The following RAB40B variants were observed in gnomAD, a reference collection of about 807,000 sequenced individuals.
RAB40B encodes the protein ras-related protein Rab-40B.
In RAB40B, 21 loss-of-function variants were observed where a neutral mutation model predicts 24.0. That is an observed-to-expected ratio of 0.88 (90% CI 0.62 to 1.26). RAB40B has a LOEUF of 1.26. RAB40B is among the 50% of genes most tolerant of loss of function. The pLI is 0.00. For synonymous variants in RAB40B, 167 were observed against 169.8 expected (o/e 0.98, Z 0.13); for missense variants, 348 against 390.5 (o/e 0.89, Z 0.92).
chr17:82,664,386 G>A (rs1286305093), intron 2 of RAB40B, 110 bp downstream of exon 2: 6 of 1,070,646 alleles, frequency 5.6e-6, no homozygotes, highest in Non-Finnish European at 6.9e-6. Flanking sequence ...TGTGCCGATG[G>A]TGGTGGGGGA....
chr17:82,671,426 A>G (rs12938630), intron 1 of RAB40B, among the ~76,000 whole-genome samples: 9,134 of 85,456 alleles, frequency 0.11, 1,125 homozygotes, highest in South Asian at 0.19. Flanking sequence ...ACTCTAACAC[A>G]CACACGCTCC....
chr17:82,692,445 C>T lies in RAB40B; in HGVS notation c.142+6010G>A, dbSNP rs1011852828. ...CTGAGCAAGGACAAGATGCATCTGACTGCCCTGGCCAGCACAGGGCATGCC... is the reference window on the plus strand; with the variant it reads ...CTGAGCAAGGACAAGATGCATCTGATTGCCCTGGCCAGCACAGGGCATGCC... On this transcript the variant is annotated intron_variant, in intron 1 of 5. Coordinates refer to ENST00000571995, the MANE Select transcript of RAB40B (RefSeq NM_006822.3). The surrounding 1 kb of genome is among the most constrained non-coding windows in gnomAD (Gnocchi z 4.0). Among the ~76,000 whole-genome samples, 1 of 152,234 alleles carries T rather than the reference C, an allele frequency of 6.6e-6. No homozygotes were observed. Among genetic ancestry groups the T allele is most frequent in the African/African-American group, 2.4e-5 (1 of 41,458 alleles).
chr17:82,679,793 C>T (rs1426990996), intron 1 of RAB40B, among the ~76,000 whole-genome samples: 1 of 152,282 alleles, frequency 6.6e-6, no homozygotes, highest in Non-Finnish European at 1.5e-5. Flanking sequence ...CCAGCTTCCA[C>T]TGAGCTGTCA....
In RAB40B at chr17:82,675,393, AAG is replaced by A. The variant is rs200956653; in HGVS notation, c.143-10839_143-10838del. 3.3e-5 allele frequency among the ~76,000 whole-genome samples: 5 copies of A among 152,178 alleles called. No individual in the cohort carries two copies. The highest frequency in any genetic ancestry group is 4.4e-5 in the Non-Finnish European group (3 of 68,030). On this transcript the variant is annotated intron_variant, in intron 1 of 5. Transcript: ENST00000571995. This position sits in a 1 kb window ranked among gnomAD's most constrained non-coding sequence, Gnocchi z 4.5. ...CCGCCTGTCTGACGTGGTCTCCACC[AAG>A]CGCTGGCTTCCTTCACAGCAGCACT...
At chr17:82,676,987 C>T (rs946290070) in intron 1 of RAB40B, among the ~76,000 whole-genome samples, 3 of 151,260 alleles carry the variant, frequency 2.0e-5, no homozygotes, top group Admixed American at 6.6e-5. Context: ...CTCACTCTGT[C>T]GTCCAGGCTG....
chr17:82,672,297 ACGCTCCC>A (rs2046348964), intron 1 of RAB40B, among the ~76,000 whole-genome samples: 2 of 73,792 alleles, frequency 2.7e-5, no homozygotes, highest in African/African-American at 4.3e-5. Flanking sequence ...ACAAACTCAC[ACGCTCCC>A]TGTACTGACA....
Position 82,659,617 on chromosome 17 carries a change from A to G in RAB40B, c.305T>C (p.Phe102Ser), listed in dbSNP as rs1222109734. Residue 102 changes from phenylalanine (F) to serine (S), a missense_variant, in exon 4 of 6, where the codon TTT becomes TCT. Physicochemically the swap from Phe to Ser is radical, Grantham distance 155 (BLOSUM62 -2). Around this residue, in one of 3 missense-constraint regions of RAB40B, gnomAD observed 126 missense variants for 181.0 expected, o/e 0.70. Coordinates refer to ENST00000571995, the MANE Select transcript of RAB40B (RefSeq NM_006822.3). Reference sequence around the variant, plus strand: ...CTTAATCCATCGATCAATGCCGTCAAAAGACCAGCGGTTCGCAATGTCATA... The same window carrying G: ...CTTAATCCATCGATCAATGCCGTCAGAAGACCAGCGGTTCGCAATGTCATA... ...LVYDIANRWS[F>S]DGIDRWIKEI... 1.9e-6 allele frequency: 3 copies of G among 1,614,224 alleles called. No homozygotes were observed. The highest frequency in any genetic ancestry group is 2.2e-5 in the East Asian group (1 of 44,888).
intron 1 of RAB40B, among the ~76,000 whole-genome samples, chr17:82,693,712 T>A (rs1421317057): frequency 2.0e-5 from 3 of 152,052 alleles, no homozygotes; most frequent in Admixed American, 2.0e-4. Flanking sequence ...GTCACCACCA[T>A]GAGAATTAAC....
In RAB40B at chr17:82,686,270, C is replaced by T. The variant is rs142509073; in HGVS notation, c.142+12185G>A. ...GAGATAACAGGCACCTGCCACCACG[C>T]CCAGCTAATTTTTGTATTTTTAGTA... On this transcript the variant is annotated intron_variant, in intron 1 of 5. Coordinates refer to ENST00000571995, the MANE Select transcript of RAB40B (RefSeq NM_006822.3). Among the ~76,000 whole-genome samples, 1,351 of 152,044 alleles carry T rather than the reference C, an allele frequency of 8.9e-3. 19 individuals are homozygous for T. The highest frequency in any genetic ancestry group is 0.031 in the African/African-American group (1,302 of 41,454).
rs1332016784 is a variant in RAB40B at position 82,692,271 on chromosome 17, A to T, written c.142+6184T>A. ...TGACAGGCAGAGCAGTGGGGTCCACATAGTCTGTGGAGTCAAGTTGCCGAC... is the reference window on the plus strand; with the variant it reads ...TGACAGGCAGAGCAGTGGGGTCCACTTAGTCTGTGGAGTCAAGTTGCCGAC... On this transcript the variant is annotated intron_variant, in intron 1 of 5. Transcript: ENST00000571995. This position sits in a 1 kb window ranked among gnomAD's most constrained non-coding sequence, Gnocchi z 4.0. Among the ~76,000 whole-genome samples the T allele has an allele frequency of 6.6e-6, 1 of 152,150 alleles. No individual in the cohort carries two copies. Among genetic ancestry groups the T allele is most frequent in the East Asian group, 1.9e-4 (1 of 5,184 alleles).
rs937677364 is a variant in RAB40B at position 82,656,267 on chromosome 17, A to T, written c.*1596T>A. 1 of 151,978 alleles carries T rather than the reference A, an allele frequency of 6.6e-6. No homozygotes were observed. The highest frequency in any genetic ancestry group is 2.4e-5 in the African/African-American group (1 of 41,374). The allele number at this position is 151,978 out of a possible 1,614,324, so 9.4% of individuals were successfully genotyped here. Reference sequence around the variant, plus strand: ...AGCTGGGTCCCTTAAGTTTCTAAGAATCTACAGATCATCAGCAGGAACTAG... The same window carrying T: ...AGCTGGGTCCCTTAAGTTTCTAAGATTCTACAGATCATCAGCAGGAACTAG... On this transcript the variant is annotated 3_prime_UTR_variant, in exon 6 of 6. Coordinates refer to ENST00000571995, the MANE Select transcript of RAB40B (RefSeq NM_006822.3).
At chr17:82,676,428 A>T (rs1035905666) in intron 1 of RAB40B, among the ~76,000 whole-genome samples, 1 of 143,272 alleles carries the variant, frequency 7.0e-6, no homozygotes, top group Non-Finnish European at 1.5e-5. Flanking sequence ...CCTCACCTTC[A>T]ACAGCCTCTC....
chr17:82,658,273 G>A, intron 5 of RAB40B, 139 bp from the exon 6 acceptor site: 1 of 1,238,816 alleles, frequency 8.1e-7, no homozygotes, highest in Non-Finnish European at 1.1e-6. Context: ...AGCAAGCCCT[G>A]CCGCGACGTC....
Position 82,668,376 on chromosome 17 carries a change from A to C in RAB40B, c.143-3820T>G, listed in dbSNP as rs796702897. 16 of 154,310 alleles carry C rather than the reference A, an allele frequency of 1.0e-4. 1 individual carries two copies. Among genetic ancestry groups the C allele is most frequent in the African/African-American group, 3.8e-4 (16 of 41,600 alleles). 9.6% of individuals were successfully genotyped at this position (154,310 alleles called of 1,614,324 possible). On this transcript the variant is annotated intron_variant, in intron 1 of 5. Coordinates refer to ENST00000571995, the MANE Select transcript of RAB40B (RefSeq NM_006822.3). ...GGGCCCCAGGCCCCCTTGAAGCTTCAAGGTGTGGCTTCACCAGGGACCTGC... is the reference window on the plus strand; with the variant it reads ...GGGCCCCAGGCCCCCTTGAAGCTTCCAGGTGTGGCTTCACCAGGGACCTGC...
intron 1 of RAB40B, among the ~76,000 whole-genome samples, chr17:82,689,851 C>T (rs952712305): frequency 4.6e-5 from 7 of 151,676 alleles, no homozygotes; most frequent in African/African-American, 1.2e-4. Context: ...ACCTGTAATC[C>T]GAGCTACTCA....
intron 2 of RAB40B, chr17:82,662,497 AAC>A: frequency 1.0e-6 from 1 of 985,394 alleles, no homozygotes; most frequent in Non-Finnish European, 1.2e-6. Flanking sequence ...AGCAGAGCCC[AAC>A]CCCAGCCCCA....
chr17:82,665,466 C>T (rs752693808), intron 1 of RAB40B, among the ~76,000 whole-genome samples: 20 of 152,158 alleles, frequency 1.3e-4, no homozygotes, highest in Non-Finnish European at 1.9e-4. Flanking sequence ...GTTTCCCAGG[C>T]TGGTCTCAAA....
rs1457408995 is a variant in RAB40B, at chr17:82,667,273, G to A, written c.143-2717C>T. ...GGTCTCCTGTCGGGCAGAGCGAGGT[G>A]TGCAGTGGCGGTGCCACCGGTGGCC... On this transcript the variant is annotated intron_variant, in intron 1 of 5. Transcript: ENST00000571995. This position sits in a 1 kb window ranked among gnomAD's most constrained non-coding sequence, Gnocchi z 4.3. 6.6e-6 allele frequency among the ~76,000 whole-genome samples: 1 copy of A among 152,270 alleles called. No individual in the cohort carries two copies. The highest frequency in any genetic ancestry group is 1.5e-5 in the Non-Finnish European group (1 of 68,050).
intron 2 of RAB40B, 158 bp from the exon 3 acceptor site, chr17:82,661,205 G>A (rs989547515): frequency 1.7e-5 from 24 of 1,414,706 alleles, no homozygotes; most frequent in South Asian, 6.8e-5. Flanking sequence ...CAATGTCCCT[G>A]AAGGGATCCG....
Sources: gnomAD v4.1 joint callset for allele counts (sites outside exome capture counted in the v4.1 genomes callset) on GRCh38, gnomAD v4.1.1 for gene constraint, gnomAD v4.1.1 regional missense constraint, Gnocchi (gnomAD v3.1) non-coding constraint, MANE v1.5 for transcripts, NCBI Gene and HGNC (gene_info 2026-07-23, HGNC 2026-07-21) for gene names.